Variants in HADH observed in about 807,000 individuals in gnomAD.
HADH encodes the protein hydroxyacyl-CoA dehydrogenase.
HADH carries 24 observed loss-of-function variants against 32.2 expected under a neutral mutation model. The ratio of observed to expected loss-of-function variants is 0.75; its 90% CI spans 0.54 to 1.05. The LOEUF (loss-of-function observed/expected upper bound fraction) is 1.05, where lower values mean the gene tolerates loss of function less well. HADH is among the 50% of genes least tolerant of loss of function. HADH has a pLI of 0.00. For missense variants in HADH, 350 were observed against 397.1 expected (o/e 0.88, Z 1.01); for synonymous variants, 139 against 152.5 (o/e 0.91, Z 0.65).
At chr4:108,009,274 A>C (rs1313460548) in intron 1 of HADH, among the ~76,000 whole-genome samples, 1 of 152,212 alleles carries the variant, frequency 6.6e-6, no homozygotes, top group Non-Finnish European at 1.5e-5. Flanking sequence ...GTGGCTGGGG[A>C]GTGGGTGCTC....
intron 3 of HADH, 61 bp from the exon 4 acceptor site, chr4:108,019,479 G>C (rs2126231995): frequency 6.7e-7 from 1 of 1,491,896 alleles, no homozygotes; most frequent in East Asian, 2.3e-5. Context: ...GCATCCAAGA[G>C]TCATGCTGTT....
At chr4:107,994,523 G>A (rs1321745529) in intron 1 of HADH, among the ~76,000 whole-genome samples, 1 of 152,150 alleles carries the variant, frequency 6.6e-6, no homozygotes, top group African/African-American at 2.4e-5. Flanking sequence ...CTCTTCTACT[G>A]TGAGTACAGC....
intron 1 of HADH, 74 bp downstream of exon 1, chr4:107,990,138 C>T (rs1011049477): frequency 3.2e-4 from 464 of 1,464,772 alleles, no homozygotes; most frequent in Non-Finnish European, 3.1e-4. Context: ...GCGCGACCGG[C>T]CGCGAGGGGC....
chr4:108,034,873 A>ACCG lies in HADH; in HGVS notation c.*516_*517insCCG. 2 of 246,570 alleles carry ACCG rather than the reference A, an allele frequency of 8.1e-6. No homozygotes were observed. Among genetic ancestry groups the ACCG allele is most frequent in the Middle Eastern group, 1.6e-3 (1 of 622 alleles). The allele number at this position is 246,570 out of a possible 1,614,324, so 15.3% of individuals were successfully genotyped here. ...TTGCCCTACATTTTGGGCATGACAT[A>ACCG]AGATGTGTCTTTATTCAGCTCGTCG... On this transcript the variant is annotated 3_prime_UTR_variant, in exon 8 of 8. Coordinates refer to ENST00000309522, the MANE Select transcript of HADH (RefSeq NM_005327.7).
chr4:108,014,061 C>T (rs2126229037), intron 2 of HADH, among the ~76,000 whole-genome samples: 1 of 152,276 alleles, frequency 6.6e-6, no homozygotes, highest in East Asian at 1.9e-4. Context: ...ACGATGAAAA[C>T]TACAGGCTCT....
chr4:107,991,326 TGA>T lies in HADH; in HGVS notation c.132+1268_132+1269del, dbSNP rs371349802. On this transcript the variant is annotated intron_variant, in intron 1 of 7. Coordinates refer to ENST00000309522, the MANE Select transcript of HADH (RefSeq NM_005327.7). ...GACAGTACTACTGTGGCTACAGTCA[TGA>T]GAGAGTTTACTTTTTCAATGTCTTG... is the stretch of plus-strand genomic sequence containing the variant. Among the ~76,000 whole-genome samples, 325 of 152,306 alleles carry T rather than the reference TGA, an allele frequency of 2.1e-3. 1 individual carries two copies. The highest frequency in any genetic ancestry group is 7.5e-3 in the African/African-American group (311 of 41,580).
At chr4:107,998,004 G>A (rs1297504993) in intron 1 of HADH, among the ~76,000 whole-genome samples, 1 of 152,142 alleles carries the variant, frequency 6.6e-6, no homozygotes, top group African/African-American at 2.4e-5. Flanking sequence ...TACAGCAGTG[G>A]AAAGAGCCAC....
At chr4:108,015,166 C>T (rs1010938430) in intron 3 of HADH, among the ~76,000 whole-genome samples, 1 of 152,104 alleles carries the variant, frequency 6.6e-6, no homozygotes, top group Non-Finnish European at 1.5e-5. Context: ...GCTGCTGGAT[C>T]GCATGGTAGT....
intron 3 of HADH, 117 bp downstream of exon 3, chr4:108,014,705 A>G (rs1735633400): frequency 4.6e-6 from 4 of 876,872 alleles, no homozygotes; most frequent in Admixed American, 2.1e-5. Flanking sequence ...TTCCATGCCT[A>G]TATTGTGTAG....
intron 4 of HADH, among the ~76,000 whole-genome samples, chr4:108,021,899 C>A (rs192349056): frequency 6.6e-6 from 1 of 152,146 alleles, no homozygotes; most frequent in Non-Finnish European, 1.5e-5. Context: ...CTTGATGTCA[C>A]GACATGACAC....
rs1196763460 is a variant in HADH at position 108,023,549 on chromosome 4, C to T, written c.622C>T (p.Pro208Ser). The part of the protein sequence containing the change: ...VDFSKALGKH[P>S]VSCKDTPGFI... ...CTTTAGCAAAGCCCTAGGAAAGCAT[C>T]CTGTTTCTTGCAAGGTAAGAGTATG... The change falls in exon 5 of 8, where the codon CCT (proline) becomes TCT (serine). Residue 208 changes from proline to serine, a missense_variant. By Grantham distance (74) the Pro-to-Ser change is moderately conservative (BLOSUM62 -1). Transcript: ENST00000309522. 6.3e-7 allele frequency: 1 copy of T among 1,599,892 alleles called. No individual in the cohort carries two copies. The highest frequency in any genetic ancestry group is 1.3e-5 in the African/African-American group (1 of 74,794).
At chr4:107,995,665 C>T (rs944715501) in intron 1 of HADH, among the ~76,000 whole-genome samples, 1 of 152,110 alleles carries the variant, frequency 6.6e-6, no homozygotes, top group Non-Finnish European at 1.5e-5. Flanking sequence ...AATAATCACC[C>T]CTGCAGAGAT....
At chr4:108,013,252 A>T (rs1001830176) in intron 2 of HADH, among the ~76,000 whole-genome samples, 2 of 152,138 alleles carry the variant, frequency 1.3e-5, no homozygotes, top group African/African-American at 4.8e-5. Flanking sequence ...TATATTCTTA[A>T]TTGTAGTGGG....
chr4:108,024,236 A>G (rs1735986924), intron 5 of HADH: 1 of 152,270 alleles, frequency 6.6e-6, no homozygotes, highest in Non-Finnish European at 1.5e-5. Context: ...CATTTGCTTT[A>G]GTTCCTCTTT....
chr4:108,014,494 GT>G lies in HADH; in HGVS notation c.327del (p.Val110SerfsTer15). The G allele has an allele frequency of 6.2e-7, 1 of 1,614,092 alleles. No homozygotes were observed. Among genetic ancestry groups the G allele is most frequent in the Non-Finnish European group, 8.5e-7 (1 of 1,179,984 alleles). ...TIATSTDAASVVHSTDLVVEA... is the reference protein window; with the variant it reads ...TIATSTDAASXVHSTDLVVEA... ...AGCGACCAGCACGGATGCAGCCTCC[GT>G]TGTCCACAGCACAGACTTGGTGGTG... On this transcript the variant is annotated frameshift_variant, in exon 3 of 8. Coordinates refer to ENST00000309522, the MANE Select transcript of HADH (RefSeq NM_005327.7). LOFTEE classifies it high-confidence loss of function.
At chr4:108,006,102 AT>A (rs779337596) in intron 1 of HADH, among the ~76,000 whole-genome samples, 1 of 152,234 alleles carries the variant, frequency 6.6e-6, no homozygotes, top group Non-Finnish European at 1.5e-5. Flanking sequence ...AGCAAGCTTT[AT>A]GTAGGACTGA....
chr4:108,004,994 T>G (rs1735247947), intron 1 of HADH: 1 of 1,095,278 alleles, frequency 9.1e-7, no homozygotes, highest in Admixed American at 2.1e-5. Context: ...TAATACTGTA[T>G]TCAGTTTAAA....
chr4:108,014,375 A>T, intron 2 of HADH, 56 bp from the exon 3 acceptor site: 1 of 1,606,046 alleles, frequency 6.2e-7, no homozygotes, highest in South Asian at 1.1e-5. Context: ...TAAGAACTTG[A>T]AAGATAATTT....
intron 1 of HADH, among the ~76,000 whole-genome samples, chr4:107,993,525 G>C (rs1341093117): frequency 1.3e-5 from 2 of 151,998 alleles, no homozygotes; most frequent in Non-Finnish European, 2.9e-5. Context: ...TAATAGTTTT[G>C]TCATTTTAAA....
Sources: gnomAD v4.1 joint callset for allele counts (sites outside exome capture counted in the v4.1 genomes callset) on GRCh38, gnomAD v4.1.1 for gene constraint, MANE v1.5 for transcripts, NCBI Gene and HGNC (gene_info 2026-07-23, HGNC 2026-07-21) for gene names.